RELN: variants seen among roughly 807,000 people sequenced by gnomAD.
RELN encodes reelin.
Under a neutral mutation model 427.6 loss-of-function variants are expected in RELN, and 108 were observed. That is an observed-to-expected ratio of 0.25 (90% CI 0.22 to 0.30). The LOEUF (loss-of-function observed/expected upper bound fraction) is 0.30. Among genes scored for constraint, RELN ranks in the 10% least tolerant of loss-of-function variants. The pLI, the probability that RELN is intolerant of heterozygous loss-of-function variation, is 1.00. For missense variants in RELN, 3,715 were observed against 4,302.8 expected (o/e 0.86, Z 3.82); for synonymous variants, 1,524 against 1,513.4 (o/e 1.01, Z -0.16).
intron 3 of RELN, among the ~76,000 whole-genome samples, chr7:103,790,855 G>A (rs1318349974): frequency 6.6e-6 from 1 of 151,928 alleles, no homozygotes; most frequent in African/African-American, 2.4e-5. Context: ...CCAGATACTC[G>A]GGAGGCTGAG....
chr7:103,865,314 T>C (rs1039674775), intron 2 of RELN, among the ~76,000 whole-genome samples: 2 of 152,018 alleles, frequency 1.3e-5, no homozygotes, highest in Non-Finnish European at 2.9e-5. Flanking sequence ...ACTGGTGAAT[T>C]CTACCAAACG....
At chr7:103,940,819 CCA>C (rs533078018) in intron 1 of RELN, among the ~76,000 whole-genome samples, 79 of 152,300 alleles carry the variant, frequency 5.2e-4, no homozygotes, top group African/African-American at 1.9e-3. Context: ...CCAAAAGTTT[CCA>C]CAGTTATTTT....
At chr7:103,525,020 CTCTGGAGCACTGTT>C (rs1215950358) in intron 46 of RELN, among the ~76,000 whole-genome samples, 1 of 152,158 alleles carries the variant, frequency 6.6e-6, no homozygotes, top group African/African-American at 2.4e-5. Context: ...GGTCACTCGC[CTCTGGAGCACTGTT>C]TCTCCCCTCA....
At chr7:103,891,614 G>T (rs1794851356) in intron 2 of RELN, among the ~76,000 whole-genome samples, 1 of 152,050 alleles carries the variant, frequency 6.6e-6, no homozygotes, top group African/African-American at 2.4e-5. Context: ...GACATGCTGG[G>T]CCTTATCCTC....
At chr7:103,922,458 T>C (rs1795637395) in intron 1 of RELN, among the ~76,000 whole-genome samples, 1 of 152,074 alleles carries the variant, frequency 6.6e-6, no homozygotes, top group Non-Finnish European at 1.5e-5. Flanking sequence ...TCAAATAAAA[T>C]ATAAGGGATC....
intron 21 of RELN, among the ~76,000 whole-genome samples, chr7:103,611,104 G>A (rs1473440191): frequency 6.6e-6 from 1 of 152,098 alleles, no homozygotes; most frequent in South Asian, 2.1e-4. Context: ...GCCTGTTATC[G>A]TAACACTGGC....
At chr7:103,516,827 C>T (rs1829577330) in intron 49 of RELN, among the ~76,000 whole-genome samples, 1 of 148,862 alleles carries the variant, frequency 6.7e-6, no homozygotes, top group African/African-American at 2.5e-5. Context: ...TTTTTCCTTC[C>T]TTTTTTTTTT....
rs563776365 is a variant in RELN, at chr7:103,578,244, T to C, written c.4146-2539A>G. Among the ~76,000 whole-genome samples, 8 of 152,254 alleles carry C rather than the reference T, an allele frequency of 5.3e-5. No homozygotes were observed. The South Asian group carries it at 1.5e-3, about 28-fold the overall frequency. On this transcript the variant is annotated intron_variant, in intron 28 of 64. Transcript: ENST00000428762. ...GCAGTTATAGATCCTAAGGCTTCTA[T>C]AGACCCAAGAAGCAGAATGCACTGT...
chr7:103,517,674 G>A (rs80188422), intron 49 of RELN, among the ~76,000 whole-genome samples: 1 of 152,172 alleles, frequency 6.6e-6, no homozygotes, highest in African/African-American at 2.4e-5. Flanking sequence ...TGAGCACAGG[G>A]TACTCTGTAC....
At chr7:103,918,935 C>T (rs1323977836) in intron 1 of RELN, among the ~76,000 whole-genome samples, 1 of 151,940 alleles carries the variant, frequency 6.6e-6, no homozygotes, top group African/African-American at 2.4e-5. Context: ...ATGCTGTATG[C>T]TTACACGAAT....
intron 41 of RELN, 43 bp downstream of exon 41, chr7:103,551,024 G>A: frequency 6.6e-7 from 1 of 1,515,458 alleles, no homozygotes; most frequent in Non-Finnish European, 9.1e-7. Context: ...GGAATAAACT[G>A]TCAAAGGAGA....
intron 7 of RELN, 36 bp from the exon 8 acceptor site, chr7:103,723,227 CAG>C: frequency 7.6e-7 from 1 of 1,316,544 alleles, no homozygotes; most frequent in South Asian, 1.2e-5. Context: ...TAAGACAAGA[CAG>C]AGAGGAGAAA....
At chr7:103,870,254 T>C (rs1794298090) in intron 2 of RELN, among the ~76,000 whole-genome samples, 1 of 152,126 alleles carries the variant, frequency 6.6e-6, no homozygotes, top group Admixed American at 6.6e-5. Flanking sequence ...CTGGTTTCTA[T>C]TGAATGCTTT....
chr7:103,847,597 CAGAT>C (rs1303593778), intron 2 of RELN, among the ~76,000 whole-genome samples: 32 of 152,138 alleles, frequency 2.1e-4, no homozygotes, highest in Non-Finnish European at 3.1e-4. Context: ...ATGTAACTGA[CAGAT>C]AGGTCAAACT....
chr7:103,631,188 GCAATAGAAGAAAACATATTTTC>G (rs1393526533), intron 19 of RELN, among the ~76,000 whole-genome samples: 9 of 149,766 alleles, frequency 6.0e-5, no homozygotes, highest in Non-Finnish European at 1.0e-4. Flanking sequence ...AGGACTTGTT[GCAATAGAAGAAAACATATTTTC>G]CAATAGAAGA....
intron 2 of RELN, among the ~76,000 whole-genome samples, chr7:103,847,305 C>G (rs1021723202): frequency 6.6e-6 from 1 of 152,136 alleles, no homozygotes; most frequent in African/African-American, 2.4e-5. Flanking sequence ...TCTCAGCAAA[C>G]TAACACAAGA....
intron 16 of RELN, among the ~76,000 whole-genome samples, chr7:103,645,003 C>T (rs1281878528): frequency 6.6e-6 from 1 of 151,582 alleles, no homozygotes; most frequent in Non-Finnish European, 1.5e-5. Flanking sequence ...AAACTATTAA[C>T]CAGGAATTTT....
At chr7:103,732,217 G>A (rs1287106158) in intron 6 of RELN, among the ~76,000 whole-genome samples, 3 of 152,082 alleles carry the variant, frequency 2.0e-5, no homozygotes, top group Non-Finnish European at 4.4e-5. Context: ...CGGGATAAGG[G>A]AGGATATACA....
chr7:103,538,385 C>A (rs362744), intron 45 of RELN, among the ~76,000 whole-genome samples: 35,604 of 151,774 alleles, frequency 0.23, 5,124 homozygotes, highest in African/African-American at 0.41. Flanking sequence ...TCTGTAAGTT[C>A]AGGTAGAGAG....
Sources: allele counts gnomAD v4.1 joint callset (sites outside exome capture counted in the v4.1 genomes callset), GRCh38; gene constraint gnomAD v4.1.1; transcripts MANE v1.5; gene names NCBI Gene and HGNC (gene_info 2026-07-23, HGNC 2026-07-21).